ZNF804A: variants seen among roughly 807,000 people sequenced by gnomAD.
ZNF804A encodes the protein zinc finger protein 804A.
A neutral mutation model predicts 16.5 loss-of-function variants in ZNF804A; 2 were observed. That is an observed-to-expected ratio of 0.12 (90% confidence interval 0.05 to 0.38). The LOEUF (loss-of-function observed/expected upper bound fraction) is 0.38. Ranked by LOEUF, ZNF804A falls within the 10% of genes least tolerant of loss-of-function variation. The pLI, the probability that ZNF804A is intolerant of heterozygous loss-of-function variation, is 0.99. For missense variants in ZNF804A, 1,473 were observed against 1,390.7 expected (o/e 1.06, Z -0.94); for synonymous variants, 534 against 489.6 (o/e 1.09, Z -1.20).
At chr2:184,795,012 G>T (rs768379449) in intron 1 of ZNF804A, among the ~76,000 whole-genome samples, 2 of 152,012 alleles carry the variant, frequency 1.3e-5, no homozygotes, top group Non-Finnish European at 2.9e-5. Context: ...TAGACAGGTC[G>T]TCAAGACAGA....
intron 1 of ZNF804A, among the ~76,000 whole-genome samples, chr2:184,629,664 T>C (rs1275753112): frequency 1.3e-5 from 2 of 152,212 alleles, no homozygotes; most frequent in Non-Finnish European, 2.9e-5. Flanking sequence ...TATTCTAAAA[T>C]AATATTAGTC....
chr2:184,839,414 C>T (rs1375306175), intron 1 of ZNF804A, among the ~76,000 whole-genome samples: 1 of 151,902 alleles, frequency 6.6e-6, no homozygotes, highest in Non-Finnish European at 1.5e-5. Context: ...TATACATTCT[C>T]AGATTTTTAA....
intron 1 of ZNF804A, among the ~76,000 whole-genome samples, chr2:184,620,318 T>C (rs1458709067): frequency 1.3e-5 from 2 of 151,832 alleles, no homozygotes; most frequent in Non-Finnish European, 3.0e-5. Flanking sequence ...AATATATTGC[T>C]TAATTTTCTG....
chr2:184,785,740 A>G (rs1694437424), intron 1 of ZNF804A, among the ~76,000 whole-genome samples: 1 of 152,044 alleles, frequency 6.6e-6, no homozygotes, highest in African/African-American at 2.4e-5. Context: ...ATACCTTCTG[A>G]TGTATTAAAC....
At chr2:184,897,415 T>TG (rs397697680) in intron 2 of ZNF804A, among the ~76,000 whole-genome samples, 1 of 149,842 alleles carries the variant, frequency 6.7e-6, no homozygotes, top group Non-Finnish European at 1.5e-5. Flanking sequence ...TTTGGATTTT[T>TG]CCCCCCCTTT....
chr2:184,890,863 ATTAT>A (rs1684969831), intron 2 of ZNF804A, among the ~76,000 whole-genome samples: 1 of 150,884 alleles, frequency 6.6e-6, no homozygotes, highest in African/African-American at 2.4e-5. Flanking sequence ...TAACATATAG[ATTAT>A]TTACACTGTA....
intron 2 of ZNF804A, among the ~76,000 whole-genome samples, chr2:184,900,637 G>T (rs908755415): frequency 2.0e-5 from 3 of 152,096 alleles, no homozygotes; most frequent in Admixed American, 2.0e-4. Context: ...ATATTCAAAA[G>T]ATTTATTGGG....
chr2:184,819,644 A>G (rs902444035), intron 1 of ZNF804A, among the ~76,000 whole-genome samples: 3 of 151,944 alleles, frequency 2.0e-5, no homozygotes, highest in Non-Finnish European at 4.4e-5. Flanking sequence ...GTTTTTAAAA[A>G]AAAAAATTTA....
chr2:184,803,874 G>GT (rs1386309652), intron 1 of ZNF804A, among the ~76,000 whole-genome samples: 1 of 151,168 alleles, frequency 6.6e-6, no homozygotes, highest in Non-Finnish European at 1.5e-5. Flanking sequence ...TTTTGGGGGG[G>GT]AGGGGGGTGA....
At chr2:184,854,736 T>C (rs1452288894) in intron 1 of ZNF804A, among the ~76,000 whole-genome samples, 1 of 152,042 alleles carries the variant, frequency 6.6e-6, no homozygotes, top group Non-Finnish European at 1.5e-5. Context: ...CAGAAGTTAA[T>C]GATAAATAGT....
chr2:184,667,947 T>C (rs1015466020), intron 1 of ZNF804A, among the ~76,000 whole-genome samples: 1 of 151,850 alleles, frequency 6.6e-6, no homozygotes, highest in Non-Finnish European at 1.5e-5. Context: ...GCATTCTTAA[T>C]ACTCATTGCT....
chr2:184,705,996 C>A (rs1034752152), intron 1 of ZNF804A, among the ~76,000 whole-genome samples: 1 of 152,136 alleles, frequency 6.6e-6, no homozygotes, highest in African/African-American at 2.4e-5. Context: ...AAACCCTTTG[C>A]TGCTGAGGTC....
chr2:184,604,895 T>C (rs1691117564), intron 1 of ZNF804A, among the ~76,000 whole-genome samples: 1 of 152,200 alleles, frequency 6.6e-6, no homozygotes, highest in Non-Finnish European at 1.5e-5. Context: ...ATAAGAAATA[T>C]ACAGGGATTT....
chr2:184,878,867 C>T (rs907527795), intron 2 of ZNF804A, among the ~76,000 whole-genome samples: 16 of 151,794 alleles, frequency 1.1e-4, no homozygotes, highest in African/African-American at 3.4e-4. Flanking sequence ...CCAGACCATA[C>T]CCGAATTTTC....
At chr2:184,808,862 C>G (rs1694850385) in intron 1 of ZNF804A, among the ~76,000 whole-genome samples, 1 of 151,672 alleles carries the variant, frequency 6.6e-6, no homozygotes, top group Non-Finnish European at 1.5e-5. Flanking sequence ...TGTATAGCCA[C>G]AAGCATATTT....
intron 1 of ZNF804A, among the ~76,000 whole-genome samples, chr2:184,761,190 A>G (rs1694032431): frequency 6.6e-6 from 1 of 152,172 alleles, no homozygotes; most frequent in African/African-American, 2.4e-5. Flanking sequence ...TGTGATTTCT[A>G]TAGAAATTTT....
At chr2:184,714,769 C>T (rs763523244) in intron 1 of ZNF804A, among the ~76,000 whole-genome samples, 7 of 151,982 alleles carry the variant, frequency 4.6e-5, no homozygotes, top group Non-Finnish European at 8.8e-5. Context: ...GTGCCATATA[C>T]CAACATGTAC....
At chr2:184,700,344 G>A (rs1240694141) in intron 1 of ZNF804A, among the ~76,000 whole-genome samples, 1 of 151,984 alleles carries the variant, frequency 6.6e-6, no homozygotes, top group Non-Finnish European at 1.5e-5. Flanking sequence ...ACTGTTTACT[G>A]AAAAATATTT....
intron 1 of ZNF804A, among the ~76,000 whole-genome samples, chr2:184,732,540 T>A (rs891504455): frequency 6.6e-6 from 1 of 152,126 alleles, no homozygotes; most frequent in Non-Finnish European, 1.5e-5. Flanking sequence ...TCCCTATAAA[T>A]TTTGCTTTGT....
Sources: allele counts gnomAD v4.1 joint callset (sites outside exome capture counted in the v4.1 genomes callset), GRCh38; gene constraint gnomAD v4.1.1; transcripts MANE v1.5; gene names NCBI Gene and HGNC (gene_info 2026-07-23, HGNC 2026-07-21).